The following GULP1 variants were observed in gnomAD, a reference collection of about 807,000 sequenced individuals.
The protein encoded by GULP1 is PTB domain-containing engulfment adapter protein 1.
A neutral mutation model predicts 40.9 loss-of-function variants in GULP1; 19 were observed. The observed-to-expected ratio is 0.46, with a 90% CI of 0.32 to 0.68. The LOEUF is 0.68. Ranked by LOEUF, GULP1 falls within the 30% of genes least tolerant of loss-of-function variation. The probability of loss-of-function intolerance (pLI) is 0.03; values close to 1 mark genes in which losing one functional copy is unlikely to be tolerated. For synonymous variants in GULP1, 119 were observed against 117.6 expected (o/e 1.01, Z -0.08); for missense variants, 312 against 362.2 (o/e 0.86, Z 1.12).
rs1455992502 is a variant in GULP1 at position 188,292,065 on chromosome 2, C to G, written c.-273C>G. 6.6e-6 allele frequency: 1 copy of G among 152,252 alleles called. No individual in the cohort carries two copies. The highest frequency in any genetic ancestry group is 1.5e-5 in the Non-Finnish European group (1 of 68,084). 9.4% of individuals were successfully genotyped at this position (152,252 alleles called of 1,614,324 possible). ...AAACTTTCCCTCTCGGCCTCGGAGACGGCGCCCCGGCCGTGCCGGAGTGGA... is the reference window on the plus strand; with the variant it reads ...AAACTTTCCCTCTCGGCCTCGGAGAGGGCGCCCCGGCCGTGCCGGAGTGGA... On this transcript the variant is annotated 5_prime_UTR_variant, in exon 1 of 12. Transcript: ENST00000409830. The surrounding 1 kb of genome is among the most constrained non-coding windows in gnomAD (Gnocchi z 4.0).
At chr2:188,581,266 T>C (rs1186609407) in intron 9 of GULP1, among the ~76,000 whole-genome samples, 3 of 152,144 alleles carry the variant, frequency 2.0e-5, no homozygotes, top group Non-Finnish European at 4.4e-5. Context: ...TTCTCCCTCC[T>C]ACCGTCTCTT....
At chr2:188,337,140 A>G (rs1353075843) in intron 1 of GULP1, among the ~76,000 whole-genome samples, 1 of 132,624 alleles carries the variant, frequency 7.5e-6, no homozygotes, top group South Asian at 2.4e-4. Flanking sequence ...ATCTATATCT[A>G]TCTATATATT....
chr2:188,485,780 A>T (rs187531792), intron 4 of GULP1, among the ~76,000 whole-genome samples: 1 of 152,162 alleles, frequency 6.6e-6, no homozygotes, highest in Non-Finnish European at 1.5e-5. Flanking sequence ...TTATAGACAT[A>T]AGGAAGTTAG....
intron 2 of GULP1, among the ~76,000 whole-genome samples, chr2:188,389,925 T>C (rs1023599881): frequency 6.6e-6 from 1 of 152,106 alleles, no homozygotes; most frequent in Non-Finnish European, 1.5e-5. Flanking sequence ...TTGAGCTCCA[T>C]CCAAGTTGCT....
chr2:188,540,715 G>A (rs553053793), intron 6 of GULP1, among the ~76,000 whole-genome samples: 2 of 152,172 alleles, frequency 1.3e-5, no homozygotes, highest in Admixed American at 6.5e-5. Flanking sequence ...ACATGAAATC[G>A]TATCCAGATA....
chr2:188,453,492 A>T (rs968434233), intron 2 of GULP1, among the ~76,000 whole-genome samples: 5 of 152,224 alleles, frequency 3.3e-5, no homozygotes, highest in African/African-American at 1.2e-4. Context: ...GGTGTGACTC[A>T]GCACCCCTAT....
At chr2:188,472,020 G>A (rs1474515848) in intron 2 of GULP1, among the ~76,000 whole-genome samples, 1 of 152,102 alleles carries the variant, frequency 6.6e-6, no homozygotes, top group South Asian at 2.1e-4. Context: ...TATGTTTAAA[G>A]GATATTTTCA....
chr2:188,323,379 A>G (rs1228497540), intron 1 of GULP1, among the ~76,000 whole-genome samples: 3 of 152,042 alleles, frequency 2.0e-5, no homozygotes, highest in Non-Finnish European at 4.4e-5. Flanking sequence ...TGCCCTGAAC[A>G]TAGGCTGTGC....
At chr2:188,336,295 A>G (rs112932645) in intron 1 of GULP1, among the ~76,000 whole-genome samples, 3 of 152,198 alleles carry the variant, frequency 2.0e-5, no homozygotes, top group African/African-American at 4.8e-5. Context: ...TTGATCACTA[A>G]TTTACTGTGT....
intron 3 of GULP1, 48 bp downstream of exon 3, chr2:188,477,778 A>G (rs546394419): frequency 2.8e-6 from 4 of 1,403,732 alleles, no homozygotes; most frequent in Admixed American, 4.1e-5. Flanking sequence ...CAATGTTGCT[A>G]TGAACATAAG....
chr2:188,358,316 G>A, intron 1 of GULP1, among the ~76,000 whole-genome samples: 1 of 152,202 alleles, frequency 6.6e-6, no homozygotes, highest in South Asian at 2.1e-4. Flanking sequence ...GAGTAGATTA[G>A]TGGTTACTAG....
intron 1 of GULP1, among the ~76,000 whole-genome samples, chr2:188,297,970 A>G (rs2035347876): frequency 6.6e-6 from 1 of 152,260 alleles, no homozygotes; most frequent in Non-Finnish European, 1.5e-5. Context: ...TTTTAAGTAA[A>G]ATTTTAATAG....
intron 11 of GULP1, chr2:188,591,123 G>C (rs977057936): frequency 4.0e-5 from 6 of 151,866 alleles, no homozygotes; most frequent in African/African-American, 1.2e-4. Flanking sequence ...AGAATCAACA[G>C]ATAAATAAAA....
chr2:188,471,095 AT>A (rs577497784), intron 2 of GULP1, among the ~76,000 whole-genome samples: 138 of 152,272 alleles, frequency 9.1e-4, no homozygotes, highest in African/African-American at 3.1e-3. Flanking sequence ...CCACTTCATT[AT>A]TATATAGTGA....
At chr2:188,352,769 C>T (rs1043951824) in intron 1 of GULP1, among the ~76,000 whole-genome samples, 9 of 152,002 alleles carry the variant, frequency 5.9e-5, no homozygotes, top group African/African-American at 1.9e-4. Context: ...TCTTCAGCCT[C>T]ACTATTGAGG....
At chr2:188,560,380 C>T (rs989861385) in intron 7 of GULP1, among the ~76,000 whole-genome samples, 5 of 152,188 alleles carry the variant, frequency 3.3e-5, no homozygotes, top group African/African-American at 1.2e-4. Context: ...ATATCTCAGA[C>T]CTCCTCACAT....
At chr2:188,437,898 A>G (rs930401353) in intron 2 of GULP1, among the ~76,000 whole-genome samples, 1 of 152,058 alleles carries the variant, frequency 6.6e-6, no homozygotes, top group African/African-American at 2.4e-5. Flanking sequence ...GAAGAGGGGA[A>G]CAACAGACAC....
At position 188,314,724 on chromosome 2, in the gene GULP1, A is replaced by G. The variant is rs112149089; in HGVS notation, c.-172+22558A>G. ...CCTTAACAATGGTTTTGTTTTCTGCAGTTCCAGTTACCTCCGGTCAATTGT... is the reference window on the plus strand; with the variant it reads ...CCTTAACAATGGTTTTGTTTTCTGCGGTTCCAGTTACCTCCGGTCAATTGT... On this transcript the variant is annotated intron_variant, in intron 1 of 11. Transcript: ENST00000409830. Among the ~76,000 whole-genome samples, 1,352 of 152,260 alleles carry G rather than the reference A, an allele frequency of 8.9e-3. 27 individuals are homozygous for G. Among genetic ancestry groups the G allele is most frequent in the African/African-American group, 0.031 (1,285 of 41,550 alleles).
chr2:188,334,583 G>A (rs13393442), intron 1 of GULP1, among the ~76,000 whole-genome samples: 5,239 of 152,290 alleles, frequency 0.034, 162 homozygotes, highest in African/African-American at 0.084. Context: ...TAGTCCTGAT[G>A]TGTCTGAGAC....
Sources: allele counts gnomAD v4.1 joint callset (sites outside exome capture counted in the v4.1 genomes callset), GRCh38; gene constraint gnomAD v4.1.1; non-coding constraint Gnocchi (gnomAD v3.1); transcripts MANE v1.5; gene names NCBI Gene and HGNC (gene_info 2026-07-23, HGNC 2026-07-21).